The following KAZN variants were observed in gnomAD, a reference collection of about 807,000 sequenced individuals.
KAZN encodes the protein kazrin, periplakin interacting protein.
Under a neutral mutation model 87.4 loss-of-function variants are expected in KAZN, and 40 were observed. That is an observed-to-expected ratio of 0.46 (90% confidence interval 0.36 to 0.60). The LOEUF is 0.60. KAZN is among the 20% of genes least tolerant of loss of function. KAZN has a pLI of 0.00. For missense variants in KAZN, 898 were observed against 1,073.9 expected, an observed-to-expected ratio of 0.84 and a Z score of 2.29; for synonymous variants, 466 against 458.3, an observed-to-expected ratio of 1.02 and a Z score of -0.22.
intron 2 of KAZN, among the ~76,000 whole-genome samples, chr1:14,471,644 C>G (rs1028324255): frequency 1.2e-4 from 19 of 152,198 alleles, no homozygotes; most frequent in Non-Finnish European, 2.6e-4. Context: ...ATGACCTGCC[C>G]CTGCCCTCAA....
intron 1 of KAZN, among the ~76,000 whole-genome samples, chr1:13,917,012 G>A (rs1343294875): frequency 6.6e-6 from 1 of 151,688 alleles, no homozygotes; most frequent in African/African-American, 2.4e-5. Flanking sequence ...ATTTCTATTT[G>A]ATTCGATTAG....
At chr1:14,043,514 G>T (rs575098676) in intron 1 of KAZN, among the ~76,000 whole-genome samples, 3 of 151,924 alleles carry the variant, frequency 2.0e-5, no homozygotes. Flanking sequence ...AGGAACTGTC[G>T]TACTGTTTTC....
At chr1:14,374,377 C>T (rs1190728450) in intron 2 of KAZN, among the ~76,000 whole-genome samples, 1 of 152,190 alleles carries the variant, frequency 6.6e-6, no homozygotes, top group African/African-American at 2.4e-5. Context: ...GATCAAGTCT[C>T]AAGTACCATC....
At chr1:14,930,128 G>T in intron 1 of KAZN, 1 of 949,536 alleles carries the variant, frequency 1.1e-6, no homozygotes, top group Non-Finnish European at 1.3e-6. Flanking sequence ...GTGGGCTCTG[G>T]GTGGGGCCCG....
chr1:14,107,475 C>A lies in KAZN; in HGVS notation c.92-72960C>A, dbSNP rs114562691. 6.3e-3 allele frequency among the ~76,000 whole-genome samples: 953 copies of A among 152,196 alleles called. 12 individuals are homozygous for A. The highest frequency in any genetic ancestry group is 0.022 in the African/African-American group (915 of 41,534). On this transcript the variant is annotated intron_variant, in intron 1 of 16. Transcript: ENST00000636203. ...AAGTAATTCCTCTCCCTGTCCTTTG[C>A]AACTCACATTTATGGGTAGGAAAGT...
chr1:14,916,734 A>G (rs1166125368), intron 1 of KAZN, among the ~76,000 whole-genome samples: 1 of 152,014 alleles, frequency 6.6e-6, no homozygotes, highest in East Asian at 1.9e-4. Context: ...CAACACAGTG[A>G]GACCCTATAT....
At chr1:14,953,190 G>A (rs866899872) in intron 1 of KAZN, among the ~76,000 whole-genome samples, 3 of 152,386 alleles carry the variant, frequency 2.0e-5, no homozygotes, top group South Asian at 2.1e-4. Context: ...TCCAGGGGCT[G>A]TGTGGGGAGT....
chr1:13,981,735 A>T (rs1638718392), intron 1 of KAZN, among the ~76,000 whole-genome samples: 1 of 152,162 alleles, frequency 6.6e-6, no homozygotes, highest in Non-Finnish European at 1.5e-5. Context: ...AATGAAAGAG[A>T]GGTCAGGGAA....
intron 1 of KAZN, among the ~76,000 whole-genome samples, chr1:14,705,852 C>T (rs1169597920): frequency 2.0e-5 from 3 of 152,150 alleles, no homozygotes; most frequent in African/African-American, 7.2e-5. Flanking sequence ...TACCTTCTAG[C>T]GTTCTATACC....
At position 13,912,284 on chromosome 1, in the gene KAZN, C is replaced by T. The variant is rs142270388; in HGVS notation, c.91+18528C>T. Among the ~76,000 whole-genome samples, 293 of 152,246 alleles carry T rather than the reference C, an allele frequency of 1.9e-3. 1 individual carries two copies. The highest frequency in any genetic ancestry group is 2.9e-3 in the Non-Finnish European group (197 of 68,020). On this transcript the variant is annotated intron_variant, in intron 1 of 16. Transcript: ENST00000636203. ...TTTCCTCCTGTGCCTAATGAGTCCG[C>T]GGCAGTTCCTTACTGAAACTGCTTT...
rs1650159157 is a variant in KAZN at position 14,856,745 on chromosome 1, T to C, written c.227-103939T>C. 1.3e-5 allele frequency among the ~76,000 whole-genome samples: 2 copies of C among 152,186 alleles called. No individual in the cohort carries two copies. Among genetic ancestry groups the C allele is most frequent in the African/African-American group, 4.8e-5 (2 of 41,456 alleles). On this transcript the variant is annotated intron_variant, in intron 1 of 14. Coordinates refer to ENST00000376030, the MANE Select transcript of KAZN (RefSeq NM_201628.3). This position sits in a 1 kb window ranked among gnomAD's most constrained non-coding sequence, Gnocchi z 5.2. Reference sequence around the variant, plus strand: ...GGATTATTCTCAAGGACAATGGCCATTATGTCCATTCTTCCAGGATAAAGA... The same window carrying C: ...GGATTATTCTCAAGGACAATGGCCACTATGTCCATTCTTCCAGGATAAAGA...
In KAZN at chr1:14,770,143, GTTGGCCATGGTGAAAGT is replaced by G. The variant is rs533581661; in HGVS notation, c.226+170925_226+170941del. 4.1e-3 allele frequency among the ~76,000 whole-genome samples: 626 copies of G among 152,306 alleles called. 6 individuals are homozygous for G. The highest frequency in any genetic ancestry group is 0.014 in the African/African-American group (594 of 41,570). ...TGGTTGGGGTCCGGATCACTCTGCAGTTGGCCATGGTGAAAGTTTGGACTTCAGCCTAAGGAAAAGAG... is the reference window on the plus strand; with the variant it reads ...TGGTTGGGGTCCGGATCACTCTGCAGTTGGACTTCAGCCTAAGGAAAAGAG... On this transcript the variant is annotated intron_variant, in intron 1 of 14. Coordinates refer to ENST00000376030, the MANE Select transcript of KAZN (RefSeq NM_201628.3).
intron 2 of KAZN, among the ~76,000 whole-genome samples, chr1:14,374,733 T>C (rs754083948): frequency 3.9e-5 from 6 of 152,184 alleles, no homozygotes; most frequent in Non-Finnish European, 7.3e-5. Flanking sequence ...GACCGCGGAC[T>C]GCCCCTCGAG....
In KAZN at chr1:14,374,954, G is replaced by C. The variant is rs72869050; in HGVS notation, c.249+194362G>C. 2.2e-3 allele frequency among the ~76,000 whole-genome samples: 329 copies of C among 152,248 alleles called. 1 individual carries two copies. The highest frequency in any genetic ancestry group is 7.5e-3 in the African/African-American group (313 of 41,544). On this transcript the variant is annotated intron_variant, in intron 2 of 16. Coordinates refer to the KAZN transcript ENST00000636203. Reference sequence around the variant, plus strand: ...GCTCGTCCATTTTCAAAGAATTAAAGTCCAATTAACTATACTTTACCCAAA... The same window carrying C: ...GCTCGTCCATTTTCAAAGAATTAAACTCCAATTAACTATACTTTACCCAAA...
chr1:14,803,421 G>C (rs1215480199), intron 1 of KAZN, among the ~76,000 whole-genome samples: 1 of 152,168 alleles, frequency 6.6e-6, no homozygotes, highest in African/African-American at 2.4e-5. Flanking sequence ...AGGCATCGAG[G>C]TCCCTGGAAA....
At chr1:14,293,146 C>T (rs576489789) in intron 2 of KAZN, among the ~76,000 whole-genome samples, 6 of 152,286 alleles carry the variant, frequency 3.9e-5, no homozygotes, top group Middle Eastern at 3.4e-3. Context: ...CAGACAATGT[C>T]ATTTATTGGA....
At chr1:14,580,244 G>A (rs1369706152) in intron 2 of KAZN, among the ~76,000 whole-genome samples, 1 of 152,140 alleles carries the variant, frequency 6.6e-6, no homozygotes, top group Non-Finnish European at 1.5e-5. Context: ...GGGAGGCCAA[G>A]GCAAGTGGAT....
intron 2 of KAZN, among the ~76,000 whole-genome samples, chr1:14,510,161 C>G (rs1312152938): frequency 2.6e-5 from 4 of 152,132 alleles, no homozygotes; most frequent in Non-Finnish European, 5.9e-5. Context: ...GGTGGATCAC[C>G]TGAGGTTGGG....
upstream of KAZN, among the ~76,000 whole-genome samples, chr1:14,598,336 C>T (rs1676645577): frequency 6.6e-6 from 1 of 152,202 alleles, no homozygotes; most frequent in African/African-American, 2.4e-5. This position sits in a 1 kb window ranked among gnomAD's most constrained non-coding sequence, Gnocchi z 4.2. Flanking sequence ...TCCACCCCGG[C>T]TCCCCTCTGA....
Sources: allele counts gnomAD v4.1 joint callset (sites outside exome capture counted in the v4.1 genomes callset), GRCh38; gene constraint gnomAD v4.1.1; non-coding constraint Gnocchi (gnomAD v3.1); transcripts MANE v1.5; gene names NCBI Gene and HGNC (gene_info 2026-07-23, HGNC 2026-07-21).